The following LIMCH1 variants were observed in gnomAD, a reference collection of about 807,000 sequenced individuals.
LIMCH1 encodes LIM and calponin homology domains 1.
In LIMCH1, 113 loss-of-function variants were observed where a neutral mutation model predicts 176.5. The observed-to-expected ratio is 0.64, with a 90% confidence interval of 0.55 to 0.75. The LOEUF (loss-of-function observed/expected upper bound fraction) is 0.75. LIMCH1 is among the 30% of genes least tolerant of loss of function. The pLI is 0.00. For missense variants in LIMCH1, 1,674 were observed against 1,814.9 expected (o/e 0.92, Z 1.41); for synonymous variants, 619 against 645.9 (o/e 0.96, Z 0.63).
At chr4:41,690,277 A>G (rs1463815461) in intron 30 of LIMCH1, among the ~76,000 whole-genome samples, 1 of 152,216 alleles carries the variant, frequency 6.6e-6, no homozygotes, top group Admixed American at 6.5e-5. Context: ...TGTCTTGGTT[A>G]CCATTCTTTC....
intron 1 of LIMCH1, among the ~76,000 whole-genome samples, chr4:41,442,514 T>C (rs2062812194): frequency 1.3e-5 from 2 of 152,192 alleles, no homozygotes; most frequent in Non-Finnish European, 2.9e-5. Flanking sequence ...AGGAATTAAT[T>C]GGGTGTATAA....
intron 1 of LIMCH1, among the ~76,000 whole-genome samples, chr4:41,594,316 A>G (rs2088275293): frequency 6.6e-6 from 1 of 152,212 alleles, no homozygotes; most frequent in South Asian, 2.1e-4. Context: ...GCAAAGATGT[A>G]TGGGTTTGTT....
rs182796714 is a variant in LIMCH1 at position 41,634,275 on chromosome 4, T to C, written c.2090+467T>C. Among the ~76,000 whole-genome samples the C allele has an allele frequency of 2.4e-3, 364 of 152,362 alleles. 1 individual carries two copies. Among genetic ancestry groups the C allele is most frequent in the African/African-American group, 8.2e-3 (339 of 41,594 alleles). On this transcript the variant is annotated intron_variant, in intron 13 of 31. Transcript: ENST00000503057. ...TGACTTAGAGTCAACCATGACTTGA[T>C]GACGACTAAGGAAATAATTATCCTG...
At position 41,361,960 on chromosome 4, in the gene LIMCH1, A is replaced by T. The variant is rs184098756; in HGVS notation, c.96+1024A>T. The stretch of plus-strand genomic sequence containing the variant: ...CTTTGCCTGGTAGTTCAGAGGAGGA[A>T]GTGTATCGCTAAATCATGACCCAGC... On this transcript the variant is annotated intron_variant, in intron 1 of 26. Transcript: ENST00000313860. 2.0e-5 allele frequency among the ~76,000 whole-genome samples: 3 copies of T among 152,276 alleles called. No homozygotes were observed. In the East Asian group the frequency reaches 5.8e-4, roughly 29 times the overall value.
intron 1 of LIMCH1, chr4:41,389,434 TG>T: frequency 5.0e-6 from 1 of 201,232 alleles, no homozygotes. Flanking sequence ...CAGCATTGCC[TG>T]ACAAATGTGG....
chr4:41,408,580 A>G (rs576908355), intron 1 of LIMCH1, among the ~76,000 whole-genome samples: 5 of 152,332 alleles, frequency 3.3e-5, no homozygotes, highest in African/African-American at 9.6e-5. Flanking sequence ...AGGTTTTCCA[A>G]TGTTCCTCCT....
At chr4:41,415,060 T>C (rs1179671581) in intron 1 of LIMCH1, among the ~76,000 whole-genome samples, 1 of 152,142 alleles carries the variant, frequency 6.6e-6, no homozygotes, top group Non-Finnish European at 1.5e-5. Context: ...TGATGGTTAA[T>C]TGAGGTGACG....
chr4:41,583,484 T>C (rs527694252), intron 1 of LIMCH1, among the ~76,000 whole-genome samples: 2 of 152,220 alleles, frequency 1.3e-5, no homozygotes, highest in Non-Finnish European at 2.9e-5. Context: ...ATTTACTGTA[T>C]AAATTAGGTC....
chr4:41,487,745 A>G (rs564674053), intron 1 of LIMCH1, among the ~76,000 whole-genome samples: 59 of 124,608 alleles, frequency 4.7e-4, no homozygotes, highest in Non-Finnish European at 7.3e-4. Context: ...TGCAAGCTCC[A>G]CCTCCTGGGT....
intron 3 of LIMCH1, among the ~76,000 whole-genome samples, chr4:41,531,523 C>T (rs1370641482): frequency 6.9e-6 from 1 of 144,974 alleles, no homozygotes; most frequent in African/African-American, 2.6e-5. Context: ...CACATACACA[C>T]CTTATACTTG....
At chr4:41,379,853 C>T (rs1268277178) in intron 1 of LIMCH1, among the ~76,000 whole-genome samples, 1 of 151,970 alleles carries the variant, frequency 6.6e-6, no homozygotes, top group African/African-American at 2.4e-5. Context: ...GGCTGGGGTG[C>T]AGTGACGCGA....
At chr4:41,401,075 C>G (rs561583667) in intron 1 of LIMCH1, among the ~76,000 whole-genome samples, 1 of 152,288 alleles carries the variant, frequency 6.6e-6, no homozygotes, top group South Asian at 2.1e-4. Context: ...GTTGCCATTG[C>G]TTTTGGTGTT....
At chr4:41,424,765 C>T (rs542186762) in intron 1 of LIMCH1, among the ~76,000 whole-genome samples, 1 of 152,200 alleles carries the variant, frequency 6.6e-6, no homozygotes, top group African/African-American at 2.4e-5. Context: ...GGAACTATTT[C>T]CTGCTTATGT....
chr4:41,680,236 T>C lies in LIMCH1; in HGVS notation c.3612+138T>C. ...TGACAGCAGAATCCCATCAAGCTCTTTAAAACAGTCATGTCATTTAGGTTC... is the reference window on the plus strand; with the variant it reads ...TGACAGCAGAATCCCATCAAGCTCTCTAAAACAGTCATGTCATTTAGGTTC... On this transcript the variant is annotated intron_variant, in intron 24 of 31. Transcript: ENST00000503057. 7.8e-6 allele frequency: 5 copies of C among 644,418 alleles called. No homozygotes were observed. In the South Asian group the frequency reaches 9.6e-5, roughly 12 times the overall value. 39.9% of individuals were successfully genotyped at this position (644,418 alleles called of 1,614,324 possible).
At chr4:41,564,526 C>G (rs1343801324) in intron 1 of LIMCH1, among the ~76,000 whole-genome samples, 2 of 152,120 alleles carry the variant, frequency 1.3e-5, no homozygotes, top group Admixed American at 1.3e-4. Flanking sequence ...ATACATTAAA[C>G]CCGATATTTC....
intron 1 of LIMCH1, among the ~76,000 whole-genome samples, chr4:41,563,207 C>T (rs2082287303): frequency 6.6e-6 from 1 of 152,100 alleles, no homozygotes; most frequent in Non-Finnish European, 1.5e-5. Flanking sequence ...CAGAGCCTCT[C>T]CCATACTCAG....
intron 1 of LIMCH1, among the ~76,000 whole-genome samples, chr4:41,439,154 A>G (rs2062427835): frequency 6.6e-6 from 1 of 152,180 alleles, no homozygotes; most frequent in Non-Finnish European, 1.5e-5. Flanking sequence ...AATTCCAGCA[A>G]GTCATGTTCT....
intron 2 of LIMCH1, among the ~76,000 whole-genome samples, chr4:41,510,867 G>T (rs2074820990): frequency 6.6e-6 from 1 of 152,186 alleles, no homozygotes; most frequent in African/African-American, 2.4e-5. Context: ...GGGATTAAAG[G>T]TGTGAGCCAC....
At chr4:41,473,329 G>A in intron 1 of LIMCH1, 1 of 285,434 alleles carries the variant, frequency 3.5e-6, no homozygotes, top group Non-Finnish European at 5.3e-6. Flanking sequence ...TGAGGCTGAA[G>A]AGACCCAGGC....
Sources: gnomAD v4.1 joint callset for allele counts (sites outside exome capture counted in the v4.1 genomes callset) on GRCh38, gnomAD v4.1.1 for gene constraint, MANE v1.5 for transcripts, NCBI Gene and HGNC (gene_info 2026-07-23, HGNC 2026-07-21) for gene names.